Variants in CUL4A observed in about 807,000 individuals in gnomAD.
CUL4A encodes the protein cullin-4A.
CUL4A carries 16 observed loss-of-function variants against 95.5 expected under a neutral mutation model. The observed-to-expected ratio is 0.17, with a 90% CI of 0.11 to 0.25. The LOEUF is 0.25. Ranked by LOEUF, CUL4A falls within the 10% of genes least tolerant of loss-of-function variation. CUL4A has a pLI of 1.00. For synonymous variants in CUL4A, 380 were observed against 353.1 expected (o/e 1.08, Z -0.85); for missense variants, 610 against 937.0 (o/e 0.65, Z 4.56).
intron 18 of CUL4A, among the ~76,000 whole-genome samples, chr13:113,257,383 C>T (rs1434033372): frequency 6.6e-6 from 1 of 152,068 alleles, no homozygotes; most frequent in Non-Finnish European, 1.5e-5. Context: ...TAAGGAAATA[C>T]CTGAAACTGG....
chr13:113,239,333 A>G, intron 9 of CUL4A, 100 bp from the exon 10 acceptor site: 2 of 1,000,538 alleles, frequency 2.0e-6, no homozygotes, highest in South Asian at 2.7e-5. Context: ...CCAATTTCTA[A>G]GCGGTGTATT....
intron 18 of CUL4A, among the ~76,000 whole-genome samples, chr13:113,255,685 CTTTA>C (rs1160673394): frequency 6.6e-6 from 1 of 152,092 alleles, no homozygotes; most frequent in Non-Finnish European, 1.5e-5. Flanking sequence ...AGATTGGCTT[CTTTA>C]TTTATTAGAA....
chr13:113,265,768 A>G lies in CUL4A; in HGVS notation c.*2186A>G, dbSNP rs1014689201. 4 of 152,226 alleles carry G rather than the reference A, an allele frequency of 2.6e-5. No individual in the cohort carries two copies. Among genetic ancestry groups the G allele is most frequent in the African/African-American group, 4.8e-5 (2 of 41,456 alleles). 9.4% of individuals were successfully genotyped at this position (152,226 alleles called of 1,614,324 possible). ...TAGCAATATTTAATGTTTTATTGTT[A>G]AAGGTCAGTGTGGTAAAACAAATAG... On this transcript the variant is annotated 3_prime_UTR_variant, in exon 20 of 20. Coordinates refer to ENST00000375440, the MANE Select transcript of CUL4A (RefSeq NM_001008895.4).
rs143484457 is a variant in CUL4A at position 113,258,539 on chromosome 13, T to A, written c.2032-2068T>A. 4.5e-3 allele frequency among the ~76,000 whole-genome samples: 691 copies of A among 152,376 alleles called. 9 individuals carry two copies. Among genetic ancestry groups the A allele is most frequent in the Non-Finnish European group, 5.5e-3 (375 of 68,042 alleles). ...TTTTCTTCTGTAAGTCTTGCATATT[T>A]CTTGCTAGTCATAAATTTTCATTCA... is the stretch of plus-strand genomic sequence containing the variant. On this transcript the variant is annotated intron_variant, in intron 18 of 19. Coordinates refer to ENST00000375440, the MANE Select transcript of CUL4A (RefSeq NM_001008895.4).
Position 113,255,134 on chromosome 13 carries a change from A to G in CUL4A, c.2031+9A>G, listed in dbSNP as rs1200071644. The G allele has an allele frequency of 6.3e-7, 1 of 1,589,638 alleles. No homozygotes were observed. The highest frequency in any genetic ancestry group is 1.1e-5 in the South Asian group (1 of 88,292). ...TTCAGATGAAGGAAACTGTATGTAT[A>G]AACTTTCTCTTTTTACTTATAGGGG... is the stretch of plus-strand genomic sequence containing the variant. On this transcript the variant is annotated intron_variant, in intron 18 of 19. Transcript: ENST00000375440.
At chr13:113,220,080 C>G (rs2082649378) in intron 3 of CUL4A, among the ~76,000 whole-genome samples, 2 of 152,190 alleles carry the variant, frequency 1.3e-5, no homozygotes, top group African/African-American at 4.8e-5. Flanking sequence ...TTGCTTATTT[C>G]TAAGTGTTCT....
At chr13:113,256,926 G>GTTGT (rs2042137847) in intron 18 of CUL4A, among the ~76,000 whole-genome samples, 6 of 47,374 alleles carry the variant, frequency 1.3e-4, no homozygotes, top group African/African-American at 3.6e-4. Context: ...TTTTTTTTTC[G>GTTGT]TTTTTTTTTT....
In CUL4A at chr13:113,245,965, A is replaced by G; in HGVS notation, c.1540A>G (p.Asn514Asp). 1.2e-6 allele frequency: 2 copies of G among 1,612,436 alleles called. No homozygotes were observed. The highest frequency in any genetic ancestry group is 8.5e-7 in the Non-Finnish European group (1 of 1,178,864). The part of the protein sequence containing the change: ...IMVHFKQHMQ[N>D]QSDSGPIDLT... ...GATTTCTCTGTTTTAGCATATGCAG[A>G]ATCAGAGTGACTCAGGCCCTATAGA... is the stretch of plus-strand genomic sequence containing the variant. Residue 514 changes from asparagine to aspartate, a missense_variant, in exon 15 of 20, where the codon AAT (asparagine) becomes GAT (aspartate). By Grantham distance (23) the Asn-to-Asp change is conservative (BLOSUM62 1). Around this residue, in one of 10 missense-constraint regions of CUL4A, gnomAD observed 44 missense variants for 75.6 expected, o/e 0.58. Coordinates refer to ENST00000375440, the MANE Select transcript of CUL4A (RefSeq NM_001008895.4).
At position 113,228,597 on chromosome 13, in the gene CUL4A, C is replaced by T. The variant is rs146928852; in HGVS notation, c.438+552C>T. Among the ~76,000 whole-genome samples, 7 of 152,012 alleles carry T rather than the reference C, an allele frequency of 4.6e-5. No individual in the cohort carries two copies. The East Asian group carries it at 1.4e-3, about 30-fold the overall frequency. On this transcript the variant is annotated intron_variant, in intron 4 of 19. Coordinates refer to ENST00000375440, the MANE Select transcript of CUL4A (RefSeq NM_001008895.4). ...GCAGCTGCTAGAGCTCGCTGAGGGT[C>T]TGTTGGGAAGGGTTTGGTGAGATGC... is the stretch of plus-strand genomic sequence containing the variant.
intron 2 of CUL4A, among the ~76,000 whole-genome samples, chr13:113,218,349 G>A (rs2040771149): frequency 6.6e-6 from 1 of 152,136 alleles, no homozygotes; most frequent in African/African-American, 2.4e-5. Flanking sequence ...AAAATAAATA[G>A]GAAACAATAC....
chr13:113,242,239 T>C (rs918070708), intron 10 of CUL4A, among the ~76,000 whole-genome samples: 3 of 151,354 alleles, frequency 2.0e-5, no homozygotes, highest in African/African-American at 7.3e-5. Flanking sequence ...CACTCCAGCC[T>C]GGTGACAAAG....
intron 7 of CUL4A, among the ~76,000 whole-genome samples, 196 bp from the exon 8 acceptor site, chr13:113,234,867 T>C (rs1298701989): frequency 6.6e-6 from 1 of 152,178 alleles, no homozygotes; most frequent in Non-Finnish European, 1.5e-5. Flanking sequence ...GATGTTAATA[T>C]CAGCGTCCTT....
In CUL4A at chr13:113,233,831, T is replaced by G. The variant is rs2041448546; in HGVS notation, c.676-66T>G. On this transcript the variant is annotated intron_variant, in intron 6 of 19. Coordinates refer to ENST00000375440, the MANE Select transcript of CUL4A (RefSeq NM_001008895.4). ...CAGCCTGCCCCGTCAGAAACTGGGA[T>G]GTGTTAGCACTTGTGAAGATAGTTT... is the stretch of plus-strand genomic sequence containing the variant. 4 of 928,286 alleles carry G rather than the reference T, an allele frequency of 4.3e-6. No homozygotes were observed. In the African/African-American group the frequency reaches 6.6e-5, roughly 15 times the overall value. 57.5% of individuals were successfully genotyped at this position (928,286 alleles called of 1,614,324 possible). A position where few individuals can be genotyped will look rare whatever the true frequency, so the allele number is the denominator to read the frequency against.
At chr13:113,217,361 A>C (rs903638349) in intron 2 of CUL4A, among the ~76,000 whole-genome samples, 3 of 152,244 alleles carry the variant, frequency 2.0e-5, no homozygotes, top group African/African-American at 7.2e-5. Context: ...AGTTAAAGTA[A>C]ATACAGAATG....
chr13:113,209,952 C>A, intron 1 of CUL4A, 21 bp from the exon 2 acceptor site: 3 of 1,479,660 alleles, frequency 2.0e-6, no homozygotes, highest in Non-Finnish European at 2.7e-6. Flanking sequence ...CTGAGCCGCC[C>A]GCTCTCCCTC....
chr13:113,256,926 G>GTTTTTTTTTTTTTTTTTTTTTTTCTT, intron 18 of CUL4A, among the ~76,000 whole-genome samples: 1 of 47,374 alleles, frequency 2.1e-5, no homozygotes, highest in Non-Finnish European at 3.6e-5. Flanking sequence ...TTTTTTTTTC[G>GTTTTTTTTTTTTTTTTTTTTTTTCTT]TTTTTTTTTT....
chr13:113,216,331 A>T (rs901847026), intron 2 of CUL4A, among the ~76,000 whole-genome samples: 1 of 152,224 alleles, frequency 6.6e-6, no homozygotes, highest in African/African-American at 2.4e-5. Flanking sequence ...ACTCCAGGCA[A>T]TGCTTTGACA....
intron 2 of CUL4A, among the ~76,000 whole-genome samples, chr13:113,217,733 G>A (rs2040747628): frequency 6.6e-6 from 1 of 152,016 alleles, no homozygotes; most frequent in South Asian, 2.1e-4. Context: ...TTTTTATTCT[G>A]TATATCCCCA....
intron 15 of CUL4A, among the ~76,000 whole-genome samples, chr13:113,252,052 G>A (rs926406457): frequency 6.6e-6 from 1 of 152,122 alleles, no homozygotes; most frequent in Admixed American, 6.5e-5. Flanking sequence ...AGAGTGGAGG[G>A]TATGACGGAC....
Sources: allele counts gnomAD v4.1 joint callset (sites outside exome capture counted in the v4.1 genomes callset), GRCh38; gene constraint gnomAD v4.1.1; regional missense constraint gnomAD v4.1.1; transcripts MANE v1.5; gene names NCBI Gene and HGNC (gene_info 2026-07-23, HGNC 2026-07-21).